Variants in KCNB2 observed in about 807,000 individuals in gnomAD.
KCNB2 encodes the protein potassium voltage-gated channel subfamily B member 2, also known as delayed rectifier potassium channel protein.
Under a neutral mutation model 61.5 loss-of-function variants are expected in KCNB2, and 15 were observed. That is an observed-to-expected ratio of 0.24 (90% CI 0.16 to 0.38). KCNB2 has a LOEUF of 0.38. KCNB2 is among the 10% of genes least tolerant of loss of function. KCNB2 has a pLI of 1.00. For missense variants in KCNB2, 828 were observed against 1,125.2 expected, an observed-to-expected ratio of 0.74 and a Z score of 3.78; for synonymous variants, 457 against 446.0, an observed-to-expected ratio of 1.02 and a Z score of -0.31.
chr8:72,568,265 G>T lies in KCNB2; in HGVS notation c.531G>T (p.Lys177Asn). ...FDNTCCPDKR[K>N]KLWDLLEKPN... ...ATACCTGCTGCCCTGATAAAAGGAA[G>T]AAACTGTGGGACTTGCTGGAGAAAC... Residue 177 changes from lysine (K) to asparagine (N), a missense_variant, in exon 2 of 3, where the codon AAG becomes AAT. Coordinates refer to ENST00000523207, the MANE Select transcript of KCNB2 (RefSeq NM_004770.3). The T allele has an allele frequency of 6.2e-7, 1 of 1,613,372 alleles. No individual in the cohort carries two copies. The highest frequency in any genetic ancestry group is 8.5e-7 in the Non-Finnish European group (1 of 1,179,866).
At chr8:72,822,231 C>A (rs1281187356) in intron 2 of KCNB2, among the ~76,000 whole-genome samples, 3 of 152,234 alleles carry the variant, frequency 2.0e-5, no homozygotes, top group Non-Finnish European at 4.4e-5. Context: ...TGGTACCTGC[C>A]AGATGCTGTA....
At chr8:72,670,921 A>T (rs1806553482) in intron 2 of KCNB2, among the ~76,000 whole-genome samples, 1 of 152,142 alleles carries the variant, frequency 6.6e-6, no homozygotes, top group Admixed American at 6.6e-5. Context: ...ATGAAGACTT[A>T]ATTTTCCAAC....
intron 2 of KCNB2, among the ~76,000 whole-genome samples, chr8:72,741,100 C>A (rs955342907): frequency 6.6e-6 from 1 of 152,214 alleles, no homozygotes; most frequent in South Asian, 2.1e-4. Context: ...TTCTATATAT[C>A]CCTTTTTGAT....
chr8:72,739,406 A>T (rs1317066936), intron 2 of KCNB2, among the ~76,000 whole-genome samples: 2 of 152,124 alleles, frequency 1.3e-5, no homozygotes, highest in Non-Finnish European at 1.5e-5. Context: ...AAGTTTTTCA[A>T]TACTTTGTGA....
intron 2 of KCNB2, among the ~76,000 whole-genome samples, chr8:72,790,181 G>T (rs372938281): frequency 1.4e-4 from 22 of 152,290 alleles, no homozygotes; most frequent in African/African-American, 5.1e-4. Context: ...GTCAGGGCTG[G>T]AAGTGGTGAT....
intron 1 of KCNB2, among the ~76,000 whole-genome samples, chr8:72,541,108 C>T (rs1806182144): frequency 6.6e-6 from 1 of 151,686 alleles, no homozygotes; most frequent in South Asian, 2.1e-4. Flanking sequence ...TTAATTAAGA[C>T]ACATCCATGA....
intron 2 of KCNB2, among the ~76,000 whole-genome samples, chr8:72,689,857 C>A (rs1806913328): frequency 6.6e-6 from 1 of 152,048 alleles, no homozygotes; most frequent in Admixed American, 6.6e-5. Flanking sequence ...AAAAAAACTT[C>A]TTCTGATCGT....
At chr8:72,797,127 T>TA (rs1809044458) in intron 2 of KCNB2, among the ~76,000 whole-genome samples, 1 of 152,228 alleles carries the variant, frequency 6.6e-6, no homozygotes, top group Admixed American at 6.5e-5. Flanking sequence ...CAGATTCTAC[T>TA]GGGCTCCTTA....
chr8:72,805,204 C>A (rs1809199353), intron 2 of KCNB2, among the ~76,000 whole-genome samples: 3 of 152,064 alleles, frequency 2.0e-5, no homozygotes, highest in Admixed American at 2.0e-4. Flanking sequence ...AGATCAGTAG[C>A]CAAACACTTT....
chr8:72,605,379 T>A (rs1254156655), intron 2 of KCNB2, among the ~76,000 whole-genome samples: 3 of 152,200 alleles, frequency 2.0e-5, no homozygotes, highest in African/African-American at 7.2e-5. Flanking sequence ...TTTGATTTTG[T>A]TCTTTGGGCC....
intron 2 of KCNB2, among the ~76,000 whole-genome samples, chr8:72,768,731 T>G (rs1448441142): frequency 6.6e-6 from 1 of 152,142 alleles, no homozygotes; most frequent in Non-Finnish European, 1.5e-5. Context: ...GGGGGTTAAT[T>G]TTTATGTATA....
chr8:72,725,347 A>G (rs1807614590), intron 2 of KCNB2, among the ~76,000 whole-genome samples: 1 of 151,824 alleles, frequency 6.6e-6, no homozygotes. Flanking sequence ...TTAAAAGAAC[A>G]AGAAGAGTTG....
intron 2 of KCNB2, among the ~76,000 whole-genome samples, chr8:72,841,413 C>G (rs1809885329): frequency 9.5e-6 from 1 of 105,254 alleles, no homozygotes; most frequent in Non-Finnish European, 1.8e-5. Flanking sequence ...CTTGGCTATG[C>G]AGGCTCTGTT....
intron 1 of KCNB2, among the ~76,000 whole-genome samples, chr8:72,564,111 G>T (rs185203015): frequency 8.2e-4 from 125 of 152,266 alleles, no homozygotes; most frequent in African/African-American, 2.8e-3. Flanking sequence ...TATTTTGAAA[G>T]TTAAGTCTTA....
At chr8:72,584,415 G>T (rs1806964429) in intron 2 of KCNB2, among the ~76,000 whole-genome samples, 1 of 152,066 alleles carries the variant, frequency 6.6e-6, no homozygotes, top group Non-Finnish European at 1.5e-5. Context: ...GCTCCTCAGG[G>T]CTGGTTCCAT....
chr8:72,883,306 C>G (rs1270552139), intron 2 of KCNB2, among the ~76,000 whole-genome samples: 1 of 152,204 alleles, frequency 6.6e-6, no homozygotes, highest in Non-Finnish European at 1.5e-5. Flanking sequence ...CAACAAGCAT[C>G]TTATCCCGGC....
intron 2 of KCNB2, among the ~76,000 whole-genome samples, chr8:72,776,685 C>T (rs1162955986): frequency 2.0e-5 from 3 of 152,110 alleles, no homozygotes; most frequent in African/African-American, 7.2e-5. Flanking sequence ...TTAACATGGC[C>T]AAGAAAAGGG....
rs142058762 is a variant in KCNB2 at position 72,696,589 on chromosome 8, G to A, written c.579+128276G>A. Among the ~76,000 whole-genome samples the A allele has an allele frequency of 2.1e-3, 320 of 152,234 alleles. 3 individuals carry two copies. The highest frequency in any genetic ancestry group is 7.2e-3 in the African/African-American group (301 of 41,554). On this transcript the variant is annotated intron_variant, in intron 2 of 2. Transcript: ENST00000523207. ...CTTCAAATCAGGTAGGATTTGGATG[G>A]GAAAGGTATAGTGGAAGAACCCGTG...
At chr8:72,722,477 G>A (rs893725672) in intron 2 of KCNB2, among the ~76,000 whole-genome samples, 1 of 152,270 alleles carries the variant, frequency 6.6e-6, no homozygotes, top group East Asian at 1.9e-4. Flanking sequence ...CAGAGGCTTT[G>A]CATGCGCTGG....
Sources: gnomAD v4.1 joint callset for allele counts (sites outside exome capture counted in the v4.1 genomes callset) on GRCh38, gnomAD v4.1.1 for gene constraint, MANE v1.5 for transcripts, NCBI Gene and HGNC (gene_info 2026-07-23, HGNC 2026-07-21) for gene names.